C4orf17: variants seen among roughly 807,000 people sequenced by gnomAD.
C4orf17 encodes chromosome 4 open reading frame 17.
A neutral mutation model predicts 32.0 loss-of-function variants in C4orf17; 25 were observed. That is an observed-to-expected ratio of 0.78 (90% confidence interval 0.57 to 1.09). The LOEUF (loss-of-function observed/expected upper bound fraction) is 1.09, where lower values mean the gene tolerates loss of function less well. Among genes scored for constraint, C4orf17 ranks in the 50% least tolerant of loss-of-function variants. The probability of loss-of-function intolerance (pLI) is 0.00; values close to 1 mark genes in which losing one functional copy is unlikely to be tolerated. For synonymous variants in C4orf17, 149 were observed against 145.8 expected (o/e 1.02, Z -0.16); for missense variants, 420 against 420.0 (o/e 1.00, Z 0.00).
intron 5 of C4orf17, among the ~76,000 whole-genome samples, chr4:99,530,287 G>A (rs183884931): frequency 3.9e-5 from 6 of 151,982 alleles, no homozygotes; most frequent in East Asian, 3.9e-4. Context: ...ATGTCTTGCC[G>A]CAATCTATAC....
intron 5 of C4orf17, among the ~76,000 whole-genome samples, chr4:99,536,347 CA>C (rs994315214): frequency 6.6e-6 from 1 of 152,174 alleles, no homozygotes; most frequent in Non-Finnish European, 1.5e-5. Context: ...AATGCAGAGA[CA>C]ACAGCTGCCT....
Position 99,539,224 on chromosome 4 carries a change from T to A in C4orf17, c.690T>A (p.His230Gln). The A allele has an allele frequency of 6.2e-7, 1 of 1,614,124 alleles. No individual in the cohort carries two copies. Among genetic ancestry groups the A allele is most frequent in the African/African-American group, 1.3e-5 (1 of 75,044 alleles). ...TTGCCGAGATAAACCTGTTAACTCA[T>A]CACAGAAGAAACACCTCAATGGAAC... Reference protein sequence around the residue: ...SELAEINLLTHHRRNTSMEPA... With the variant: ...SELAEINLLTQHRRNTSMEPA... The change falls in exon 7 of 9, where the codon CAT (histidine) becomes CAA (glutamine). Residue 230 changes from histidine to glutamine, a missense_variant. Coordinates refer to ENST00000326581, the MANE Select transcript of C4orf17 (RefSeq NM_032149.3).
At chr4:99,519,355 G>A (rs1199623513) in intron 2 of C4orf17, 1 of 152,238 alleles carries the variant, frequency 6.6e-6, no homozygotes, top group East Asian at 1.9e-4. Flanking sequence ...GGTGCTGAAG[G>A]CATGATCTAG....
chr4:99,524,492 A>G, intron 3 of C4orf17, 29 bp from the exon 4 acceptor site: 1 of 1,385,526 alleles, frequency 7.2e-7, no homozygotes. Flanking sequence ...AGTTTAATCT[A>G]AATACATTTT....
In C4orf17 at chr4:99,537,700, C is replaced by T. The variant is rs777624540; in HGVS notation, c.578C>T (p.Thr193Ile). 6.2e-7 allele frequency: 1 copy of T among 1,612,770 alleles called. No homozygotes were observed. The highest frequency in any genetic ancestry group is 1.3e-5 in the African/African-American group (1 of 75,018). ...ILAKLCSILH[T>I]DSLAEVLQWL... ...GCAAAGCTCTGTAGCATTTTGCATA[C>T]TGATTCTCTGGCAGAAGTTTTACAG... Residue 193 changes from threonine to isoleucine, a missense_variant, in exon 6 of 9, where the codon ACT (threonine) becomes ATT (isoleucine). Transcript: ENST00000326581.
In C4orf17 at chr4:99,524,372, T is replaced by C. The variant is rs574466136; in HGVS notation, c.338-149T>C. 6 of 547,592 alleles carry C rather than the reference T, an allele frequency of 1.1e-5. No individual in the cohort carries two copies. The Admixed American group carries it at 1.4e-4, about 13-fold the overall frequency. 33.9% of individuals were successfully genotyped at this position (547,592 alleles called of 1,614,324 possible). On this transcript the variant is annotated intron_variant, in intron 3 of 8. Coordinates refer to ENST00000326581, the MANE Select transcript of C4orf17 (RefSeq NM_032149.3). ...TTATGTTATTATAATGCCATTTACC[T>C]GCAAATTTCCTAATATTTATAAACA...
chr4:99,521,810 C>T (rs1578189046), intron 2 of C4orf17, among the ~76,000 whole-genome samples: 1 of 152,304 alleles, frequency 6.6e-6, no homozygotes, highest in African/African-American at 2.4e-5. Context: ...TCCAATTCCA[C>T]AAGACTTAGC....
Position 99,529,846 on chromosome 4 carries a change from C to T in C4orf17, c.434C>T (p.Pro145Leu). Residue 145 changes from proline to leucine, a missense_variant, in exon 5 of 9, where the codon CCT (proline) becomes CTT (leucine). Coordinates refer to ENST00000326581, the MANE Select transcript of C4orf17 (RefSeq NM_032149.3). ...ATTAAGGCCAAAAGACCACCATCAC[C>T]TCCAAAGGCATGCTCTACTCCTGGC... ...EEIKAKRPPSPPKACSTPGSC... is the reference protein window; with the variant it reads ...EEIKAKRPPSLPKACSTPGSC... 6.2e-7 allele frequency: 1 copy of T among 1,612,512 alleles called. No individual in the cohort carries two copies. The highest frequency in any genetic ancestry group is 8.5e-7 in the Non-Finnish European group (1 of 1,179,192).
At chr4:99,531,954 G>A (rs1447283121) in intron 5 of C4orf17, among the ~76,000 whole-genome samples, 1 of 152,084 alleles carries the variant, frequency 6.6e-6, no homozygotes, top group Non-Finnish European at 1.5e-5. Flanking sequence ...TGTGTGAAAA[G>A]GTATGCAGTT....
intron 4 of C4orf17, 23 bp downstream of exon 4, chr4:99,524,608 TA>T: frequency 1.1e-6 from 1 of 870,676 alleles, no homozygotes; most frequent in Non-Finnish European, 1.6e-6. Flanking sequence ...TATTTACTGC[TA>T]TCTATTTAGT....
chr4:99,536,167 G>C, intron 5 of C4orf17: 1 of 268,496 alleles, frequency 3.7e-6, no homozygotes, highest in South Asian at 3.6e-5. Context: ...GTGTGTAGAG[G>C]CTTCTATTGG....
At chr4:99,527,609 T>A (rs1429917519) in intron 4 of C4orf17, among the ~76,000 whole-genome samples, 1 of 152,156 alleles carries the variant, frequency 6.6e-6, no homozygotes, top group Non-Finnish European at 1.5e-5. Flanking sequence ...CACAATAGGG[T>A]TTGCACTCCT....
At position 99,512,870 on chromosome 4, in the gene C4orf17, C is replaced by A. The variant is rs145297819; in HGVS notation, c.-93-119C>A. ...AAATTTGGTCTGAAAACAAAATAGC[C>A]TCACATTGCTGTAACATGAGAAACA... On this transcript the variant is annotated intron_variant, in intron 1 of 8. Transcript: ENST00000326581. The A allele has an allele frequency of 2.4e-3, 1,256 of 518,260 alleles. 14 individuals are homozygous for A. Among genetic ancestry groups the A allele is most frequent in the East Asian group, 0.015 (457 of 29,688 alleles). The allele number at this position is 518,260 out of a possible 1,614,324, so 32.1% of individuals were successfully genotyped here. A position where few individuals can be genotyped will look rare whatever the true frequency, so the allele number is the denominator to read the frequency against.
intron 8 of C4orf17, chr4:99,541,597 C>T (rs1304764135): frequency 7.3e-6 from 2 of 273,302 alleles, no homozygotes; most frequent in Non-Finnish European, 1.4e-5. Flanking sequence ...CTTGTTACAT[C>T]TATCAGGACC....
At chr4:99,512,086 C>T (rs1157561945) in intron 1 of C4orf17, among the ~76,000 whole-genome samples, 5 of 152,184 alleles carry the variant, frequency 3.3e-5, no homozygotes, top group South Asian at 4.1e-4. Flanking sequence ...CCAACAAAAT[C>T]CTGAGATCAA....
intron 4 of C4orf17, 31 bp from the exon 5 acceptor site, chr4:99,529,784 G>A: frequency 1.9e-6 from 3 of 1,557,564 alleles, no homozygotes; most frequent in South Asian, 1.2e-5. Flanking sequence ...GGATGCAAAT[G>A]TATATTGGTT....
intron 8 of C4orf17, chr4:99,540,700 C>G: frequency 2.5e-6 from 1 of 398,976 alleles, no homozygotes; most frequent in Non-Finnish European, 4.5e-6. Context: ...AGCAGGACAA[C>G]AGGAACTATA....
At chr4:99,516,818 G>A (rs376119523) in intron 2 of C4orf17, among the ~76,000 whole-genome samples, 2 of 152,280 alleles carry the variant, frequency 1.3e-5, no homozygotes, top group South Asian at 2.1e-4. Context: ...CAAAATAAAT[G>A]TCTACATTCA....
chr4:99,518,567 AGAGAGAGAGAGAGAGAGGGAGG>A (rs1723233109), intron 2 of C4orf17, among the ~76,000 whole-genome samples: 1 of 130,500 alleles, frequency 7.7e-6, no homozygotes, highest in African/African-American at 3.1e-5. Context: ...AGAGAGAGAG[AGAGAGAGAGAGAGAGAGGGAGG>A]GAGACAGAGA....
Sources: allele counts gnomAD v4.1 joint callset (sites outside exome capture counted in the v4.1 genomes callset), GRCh38; gene constraint gnomAD v4.1.1; transcripts MANE v1.5; gene names NCBI Gene and HGNC (gene_info 2026-07-23, HGNC 2026-07-21).